The following GRM1 variants were observed in gnomAD, a reference collection of about 807,000 sequenced individuals.
GRM1 encodes the protein metabotropic glutamate receptor 1.
In GRM1, 33 loss-of-function variants were observed where a neutral mutation model predicts 90.9. The ratio of observed to expected loss-of-function variants is 0.36; its 90% CI spans 0.28 to 0.49. The LOEUF (loss-of-function observed/expected upper bound fraction) is 0.49. Among genes scored for constraint, GRM1 ranks in the 20% least tolerant of loss-of-function variants. The probability of loss-of-function intolerance (pLI) is 0.99; values close to 1 mark genes in which losing one functional copy is unlikely to be tolerated. For missense variants in GRM1, 1,190 were observed against 1,534.3 expected (o/e 0.78, Z 3.75); for synonymous variants, 700 against 613.2 (o/e 1.14, Z -2.09).
chr6:146,357,187 T>G (rs940672794), intron 4 of GRM1, among the ~76,000 whole-genome samples: 1 of 152,216 alleles, frequency 6.6e-6, no homozygotes, highest in African/African-American at 2.4e-5. Context: ...ATTAATGTTC[T>G]TATTGATACT....
At chr6:146,052,600 C>A (rs1338108644) in intron 1 of GRM1, among the ~76,000 whole-genome samples, 1 of 152,022 alleles carries the variant, frequency 6.6e-6, no homozygotes. Flanking sequence ...CCTTGCCATC[C>A]TTGAGCACAT....
chr6:146,330,574 CT>C (rs1207642185), intron 3 of GRM1, among the ~76,000 whole-genome samples: 7 of 152,060 alleles, frequency 4.6e-5, no homozygotes, highest in Admixed American at 3.9e-4. Context: ...ATCTTTTTCT[CT>C]TCCCATTGTA....
chr6:146,200,486 T>A (rs1457330324), intron 2 of GRM1, among the ~76,000 whole-genome samples: 4 of 152,190 alleles, frequency 2.6e-5, no homozygotes, highest in African/African-American at 9.6e-5. Flanking sequence ...TAGTCTTTAG[T>A]CATTGGGTCA....
At chr6:146,045,776 A>G (rs1008743581) in intron 1 of GRM1, among the ~76,000 whole-genome samples, 104 of 145,980 alleles carry the variant, frequency 7.1e-4, no homozygotes, top group African/African-American at 2.5e-3. Flanking sequence ...AAAAAAAAAA[A>G]ATCAAATTAA....
Position 146,030,284 on chromosome 6 carries a change from A to T in GRM1, c.700+67A>T, listed in dbSNP as rs910230019. 4 of 1,082,954 alleles carry T rather than the reference A, an allele frequency of 3.7e-6. No homozygotes were observed. In the African/African-American group the frequency reaches 6.2e-5, roughly 17 times the overall value. 67.1% of individuals were successfully genotyped at this position (1,082,954 alleles called of 1,614,324 possible). A position where few individuals can be genotyped will look rare whatever the true frequency, so the allele number is the denominator to read the frequency against. The stretch of plus-strand genomic sequence containing the variant: ...GGGCAATGCATGATGTGCTCCTGGG[A>T]TCATAGTATTGTTCCTGTTTATTTC... On this transcript the variant is annotated intron_variant, in intron 1 of 7. Transcript: ENST00000282753.
At chr6:146,084,359 C>T (rs1241672848) in intron 1 of GRM1, among the ~76,000 whole-genome samples, 1 of 152,016 alleles carries the variant, frequency 6.6e-6, no homozygotes, top group Non-Finnish European at 1.5e-5. Context: ...TTCTAGCTTT[C>T]TGATGCGGGC....
intron 2 of GRM1, among the ~76,000 whole-genome samples, chr6:146,275,375 G>C (rs924660323): frequency 6.6e-6 from 1 of 152,112 alleles, no homozygotes; most frequent in African/African-American, 2.4e-5. Flanking sequence ...GTGTACATGG[G>C]ACAGTTTGTA....
intron 2 of GRM1, among the ~76,000 whole-genome samples, chr6:146,253,874 G>A (rs1355419810): frequency 6.6e-6 from 1 of 152,110 alleles, no homozygotes; most frequent in East Asian, 1.9e-4. Flanking sequence ...TTGAGTCACA[G>A]GGATACAGGC....
chr6:146,395,102 T>C (rs2114562288), intron 6 of GRM1, among the ~76,000 whole-genome samples: 1 of 152,168 alleles, frequency 6.6e-6, no homozygotes, highest in South Asian at 2.1e-4. Context: ...TTTTCTTCCA[T>C]AGGCTCCCAA....
chr6:146,054,604 G>T (rs567856118), intron 1 of GRM1, among the ~76,000 whole-genome samples: 10 of 152,088 alleles, frequency 6.6e-5, no homozygotes, highest in Admixed American at 5.9e-4. Flanking sequence ...ATGTCAGGGG[G>T]CATAGACATT....
intron 4 of GRM1, 130 bp from the exon 5 acceptor site, chr6:146,357,396 A>C: frequency 1.4e-6 from 1 of 738,812 alleles, no homozygotes; most frequent in South Asian, 1.5e-5. Context: ...AATAAGCTAA[A>C]ATATTGGCAG....
chr6:146,109,428 C>T (rs1007456921), intron 1 of GRM1, among the ~76,000 whole-genome samples: 5 of 152,132 alleles, frequency 3.3e-5, no homozygotes, highest in African/African-American at 9.7e-5. Context: ...GTTGAGCCTG[C>T]GAGTGCACAG....
chr6:146,326,930 G>A (rs362970), intron 3 of GRM1, among the ~76,000 whole-genome samples: 2,919 of 152,190 alleles, frequency 0.019, 39 homozygotes, highest in Admixed American at 0.027. Context: ...TTCCCAATAT[G>A]TGCCTTGATT....
intron 2 of GRM1, among the ~76,000 whole-genome samples, chr6:146,229,643 C>T (rs1205952244): frequency 6.6e-6 from 1 of 152,034 alleles, no homozygotes; most frequent in African/African-American, 2.4e-5. Context: ...CTTCTAGAGT[C>T]CCATAATTCT....
At chr6:146,334,057 G>A (rs1198105701) in intron 3 of GRM1, among the ~76,000 whole-genome samples, 1 of 152,142 alleles carries the variant, frequency 6.6e-6, no homozygotes, top group East Asian at 1.9e-4. Flanking sequence ...AGCACTTCCT[G>A]TTTCCATTGT....
At chr6:146,333,146 T>G (rs1784643439) in intron 3 of GRM1, among the ~76,000 whole-genome samples, 1 of 152,192 alleles carries the variant, frequency 6.6e-6, no homozygotes. Context: ...CATTTCCTGG[T>G]AGTGATGTGG....
intron 3 of GRM1, among the ~76,000 whole-genome samples, chr6:146,315,642 TAGAATC>T (rs1783940290): frequency 6.6e-6 from 1 of 152,134 alleles, no homozygotes. Flanking sequence ...GCCATACAAA[TAGAATC>T]AGAATCTTTG....
intron 2 of GRM1, among the ~76,000 whole-genome samples, chr6:146,268,321 T>C (rs2114813446): frequency 6.6e-6 from 1 of 152,334 alleles, no homozygotes; most frequent in Admixed American, 6.5e-5. Context: ...TATGTCCACT[T>C]ATGTTTATGC....
chr6:146,397,089 C>T (rs1776967820), intron 6 of GRM1, among the ~76,000 whole-genome samples: 1 of 152,082 alleles, frequency 6.6e-6, no homozygotes, highest in Non-Finnish European at 1.5e-5. Context: ...CAGAGCATCT[C>T]CTGGAATGTT....
Sources: allele counts gnomAD v4.1 joint callset (sites outside exome capture counted in the v4.1 genomes callset), GRCh38; gene constraint gnomAD v4.1.1; transcripts MANE v1.5; gene names NCBI Gene and HGNC (gene_info 2026-07-23, HGNC 2026-07-21).